The following TRIO variants were observed in gnomAD, a reference collection of about 807,000 sequenced individuals.
The protein encoded by TRIO is triple functional domain protein.
A neutral mutation model predicts 351.9 loss-of-function variants in TRIO; 58 were observed. That is an observed-to-expected ratio of 0.16 (90% CI 0.13 to 0.21). The LOEUF is 0.21. Ranked by LOEUF, TRIO falls within the 10% of genes least tolerant of loss-of-function variation. The probability of loss-of-function intolerance (pLI) is 1.00; values close to 1 mark genes in which losing one functional copy is unlikely to be tolerated. For synonymous variants in TRIO, 1,758 were observed against 1,595.7 expected, an observed-to-expected ratio of 1.10 and a Z score of -2.42; for missense variants, 3,201 against 4,027.8, an observed-to-expected ratio of 0.79 and a Z score of 5.56.
At chr5:14,333,973 C>T (rs1164519941) in intron 10 of TRIO, among the ~76,000 whole-genome samples, 2 of 152,238 alleles carry the variant, frequency 1.3e-5, no homozygotes, top group Non-Finnish European at 2.9e-5. Context: ...CTCCCTGACT[C>T]TGATATCCTC....
At chr5:14,281,451 T>G (rs1736001281) in intron 3 of TRIO, among the ~76,000 whole-genome samples, 2 of 81,186 alleles carry the variant, frequency 2.5e-5, no homozygotes, top group Non-Finnish European at 2.4e-5. Context: ...CGTGATCCAA[T>G]TACCACCCAC....
At chr5:14,315,042 C>T (rs997641524) in intron 8 of TRIO, among the ~76,000 whole-genome samples, 15 of 152,092 alleles carry the variant, frequency 9.9e-5, no homozygotes, top group Non-Finnish European at 1.5e-5. Context: ...GAAAAGTAAA[C>T]GTGTTACAAT....
intron 13 of TRIO, among the ~76,000 whole-genome samples, chr5:14,360,967 C>T (rs1744097884): frequency 6.6e-6 from 1 of 152,206 alleles, no homozygotes; most frequent in African/African-American, 2.4e-5. Context: ...GGCACCTGCA[C>T]GCCGACCTCT....
chr5:14,447,047 A>G (rs1355517430), intron 34 of TRIO, among the ~76,000 whole-genome samples: 1 of 152,194 alleles, frequency 6.6e-6, no homozygotes, highest in Non-Finnish European at 1.5e-5. Flanking sequence ...GCTGGCCAAC[A>G]TGGTGAAAAC....
intron 49 of TRIO, 48 bp from the exon 50 acceptor site, chr5:14,496,831 G>A (rs1329760085): frequency 6.2e-7 from 1 of 1,600,026 alleles, no homozygotes; most frequent in South Asian, 1.1e-5. Flanking sequence ...GCAGCACTTG[G>A]TGAATGTTGG....
At chr5:14,442,697 G>A (rs1027565152) in intron 34 of TRIO, among the ~76,000 whole-genome samples, 10 of 152,288 alleles carry the variant, frequency 6.6e-5, no homozygotes, top group Admixed American at 2.0e-4. Context: ...GACCCTGTGC[G>A]CTAGGAATTC....
intron 34 of TRIO, chr5:14,441,257 C>G (rs114022587): frequency 6.5e-6 from 1 of 153,068 alleles, no homozygotes; most frequent in Admixed American, 6.5e-5. Flanking sequence ...CCATGCCCAA[C>G]GGATTGAAGC....
chr5:14,508,078 G>C lies in TRIO; in HGVS notation c.8950G>C (p.Val2984Leu). 6.2e-7 allele frequency: 1 copy of C among 1,614,200 alleles called. No individual in the cohort carries two copies. The highest frequency in any genetic ancestry group is 8.5e-7 in the Non-Finnish European group (1 of 1,180,038). ...DTWSVGVLTY[V>L]LLSGVSPFLD... ...GTGGAGTGTTGGAGTGCTCACATAC[G>C]TACTTCTTAGTGGCGTGTCCCCCTT... Residue 2984 changes from valine to leucine, a missense_variant, in exon 57 of 57, where the codon GTA becomes CTA. By Grantham distance (32) the Val-to-Leu change is conservative. Coordinates refer to ENST00000344204, the MANE Select transcript of TRIO (RefSeq NM_007118.4).
intron 1 of TRIO, among the ~76,000 whole-genome samples, chr5:14,172,004 C>T (rs1581268943): frequency 6.6e-6 from 1 of 152,160 alleles, no homozygotes; most frequent in Non-Finnish European, 1.5e-5. Flanking sequence ...ATTACATACA[C>T]CTGCAGATAA....
At chr5:14,478,257 C>T (rs189454746) in intron 41 of TRIO, among the ~76,000 whole-genome samples, 38 of 152,316 alleles carry the variant, frequency 2.5e-4, no homozygotes, top group Middle Eastern at 3.4e-3. Flanking sequence ...ATAATGTTTA[C>T]TCATCCAGGA....
chr5:14,233,740 A>G (rs1382944947), intron 1 of TRIO, among the ~76,000 whole-genome samples: 1 of 149,390 alleles, frequency 6.7e-6, no homozygotes, highest in African/African-American at 2.5e-5. Context: ...AGATCTCCCT[A>G]TGTTGCCCAG....
intron 13 of TRIO, among the ~76,000 whole-genome samples, chr5:14,359,810 G>A (rs777963836): frequency 9.9e-5 from 15 of 152,214 alleles, no homozygotes; most frequent in African/African-American, 1.4e-4. Context: ...AGCGCTGAGC[G>A]GAACAGAAGG....
At chr5:14,225,792 A>ACC (rs56044349) in intron 1 of TRIO, among the ~76,000 whole-genome samples, 6,567 of 77,388 alleles carry the variant, frequency 0.085, 444 homozygotes, top group South Asian at 0.14. Flanking sequence ...CACTGCTCCC[A>ACC]CCCCCCCCCC....
chr5:14,241,219 G>A (rs987004183), intron 1 of TRIO, among the ~76,000 whole-genome samples: 3 of 152,110 alleles, frequency 2.0e-5, no homozygotes, highest in African/African-American at 7.2e-5. Flanking sequence ...TACAAGTATA[G>A]ACATTTTGGG....
At chr5:14,191,850 T>G (rs1327090368) in intron 1 of TRIO, among the ~76,000 whole-genome samples, 2 of 152,252 alleles carry the variant, frequency 1.3e-5, no homozygotes, top group African/African-American at 4.8e-5. Flanking sequence ...GCTCTGCTCC[T>G]TCACCATAAA....
At chr5:14,204,944 G>A (rs1013455195) in intron 1 of TRIO, among the ~76,000 whole-genome samples, 1 of 152,138 alleles carries the variant, frequency 6.6e-6, no homozygotes, top group Admixed American at 6.6e-5. Flanking sequence ...ATTAGTCAGG[G>A]GTGTTTCTAG....
intron 7 of TRIO, among the ~76,000 whole-genome samples, chr5:14,299,456 C>T (rs1295324499): frequency 6.6e-6 from 1 of 151,894 alleles, no homozygotes; most frequent in African/African-American, 2.4e-5. Flanking sequence ...ACGTAGACAA[C>T]TGAAATGCAC....
chr5:14,502,411 G>C (rs1579849653), intron 53 of TRIO, among the ~76,000 whole-genome samples, 168 bp from the exon 54 acceptor site: 1 of 152,334 alleles, frequency 6.6e-6, no homozygotes, highest in Non-Finnish European at 1.5e-5. Flanking sequence ...CTAAGCCCCA[G>C]TGTCTGTGTG....
intron 11 of TRIO, among the ~76,000 whole-genome samples, chr5:14,350,660 G>T (rs1742999014): frequency 6.6e-6 from 1 of 152,084 alleles, no homozygotes; most frequent in Admixed American, 6.5e-5. Flanking sequence ...CCCTGAATAT[G>T]CCCCTGTGTT....
Sources: gnomAD v4.1 joint callset for allele counts (sites outside exome capture counted in the v4.1 genomes callset) on GRCh38, gnomAD v4.1.1 for gene constraint, MANE v1.5 for transcripts, NCBI Gene and HGNC (gene_info 2026-07-23, HGNC 2026-07-21) for gene names.